STIM2: variants seen among roughly 807,000 people sequenced by gnomAD.
STIM2 encodes stromal interaction molecule 2.
A neutral mutation model predicts 85.8 loss-of-function variants in STIM2; 31 were observed. That is an observed-to-expected ratio of 0.36 (90% confidence interval 0.27 to 0.49). STIM2 has a LOEUF of 0.49. Among genes scored for constraint, STIM2 ranks in the 20% least tolerant of loss-of-function variants. The pLI is 0.98. For synonymous variants in STIM2, 356 were observed against 331.1 expected, an observed-to-expected ratio of 1.08 and a Z score of -0.82; for missense variants, 841 against 927.6, an observed-to-expected ratio of 0.91 and a Z score of 1.21.
At chr4:26,861,615 C>A (rs192370809) in intron 1 of STIM2, 3 of 411,042 alleles carry the variant, frequency 7.3e-6, no homozygotes, top group Non-Finnish European at 1.2e-5. Flanking sequence ...TCGGGCTCTC[C>A]GATCTTCCAA....
At chr4:26,961,116 A>G (rs1396400140) in intron 3 of STIM2, among the ~76,000 whole-genome samples, 2 of 152,244 alleles carry the variant, frequency 1.3e-5, no homozygotes, top group African/African-American at 4.8e-5. Flanking sequence ...AATAATGAAG[A>G]TAACTTTATA....
chr4:26,967,396 G>A (rs1379347768), intron 3 of STIM2, among the ~76,000 whole-genome samples: 4 of 152,046 alleles, frequency 2.6e-5, no homozygotes, highest in Non-Finnish European at 5.9e-5. Flanking sequence ...ACTGATGAAT[G>A]AAATCAGTAA....
intron 1 of STIM2, among the ~76,000 whole-genome samples, chr4:26,878,892 A>G (rs1344990452): frequency 1.3e-5 from 2 of 152,128 alleles, no homozygotes; most frequent in African/African-American, 4.8e-5. Flanking sequence ...CTCCCTCACT[A>G]TCATGAGAAC....
intron 2 of STIM2, among the ~76,000 whole-genome samples, chr4:26,930,489 GT>G (rs1327301704): frequency 1.3e-5 from 2 of 149,410 alleles, no homozygotes; most frequent in Admixed American, 1.3e-4. Context: ...TTTTTTATCA[GT>G]TTGTTTGATA....
chr4:26,985,744 A>G (rs1305294844), intron 3 of STIM2, among the ~76,000 whole-genome samples: 1 of 152,176 alleles, frequency 6.6e-6, no homozygotes, highest in Non-Finnish European at 1.5e-5. Context: ...TGATTTCCCT[A>G]AAATGCATTA....
intron 3 of STIM2, among the ~76,000 whole-genome samples, chr4:26,993,372 T>A (rs750454346): frequency 3.7e-4 from 56 of 152,192 alleles, no homozygotes; most frequent in Non-Finnish European, 7.1e-4. Flanking sequence ...AGGCTTTGTT[T>A]CAATATAAAA....
intron 3 of STIM2, among the ~76,000 whole-genome samples, chr4:26,980,615 G>A (rs1727347302): frequency 6.6e-6 from 1 of 152,188 alleles, no homozygotes; most frequent in Non-Finnish European, 1.5e-5. Flanking sequence ...AACAGGTTGA[G>A]GGAAGATTGT....
chr4:27,025,196 T>C lies in STIM2; in HGVS notation c.*2200T>C. The C allele has an allele frequency of 6.6e-6, 1 of 152,210 alleles. No homozygotes were observed. The highest frequency in any genetic ancestry group is 2.1e-4 in the South Asian group (1 of 4,836). 9.4% of individuals were successfully genotyped at this position (152,210 alleles called of 1,614,324 possible). The stretch of plus-strand genomic sequence containing the variant: ...TGATAATTATTTTGCATTAATACAG[T>C]ATACACATTTGTAAATTCAACAGGA... On this transcript the variant is annotated 3_prime_UTR_variant, in exon 12 of 12. Transcript: ENST00000467087.
rs1411316696 is a variant in STIM2, at chr4:27,023,383, T to A, written c.*387T>A. On this transcript the variant is annotated 3_prime_UTR_variant, in exon 12 of 12. Coordinates refer to ENST00000467087, the MANE Select transcript of STIM2 (RefSeq NM_020860.4). ...AAAATTTCTTGTTTACCAGAGCATC[T>A]TCTTATCTTTCCACAGAGCTATTTA... The A allele has an allele frequency of 5.0e-6, 1 of 199,966 alleles. No homozygotes were observed. The highest frequency in any genetic ancestry group is 1.0e-5 in the Non-Finnish European group (1 of 96,128). 12.4% of individuals were successfully genotyped at this position (199,966 alleles called of 1,614,324 possible). A position where few individuals can be genotyped will look rare whatever the true frequency, so the allele number is the denominator to read the frequency against.
chr4:26,962,202 T>C (rs959594472), intron 3 of STIM2, among the ~76,000 whole-genome samples: 13 of 152,204 alleles, frequency 8.5e-5, no homozygotes, highest in African/African-American at 3.1e-4. Context: ...AATTCACTTA[T>C]AAAATGTAAT....
intron 2 of STIM2, among the ~76,000 whole-genome samples, chr4:26,951,705 TAAATCTGA>T (rs1292877269): frequency 1.3e-5 from 2 of 152,166 alleles, no homozygotes; most frequent in Non-Finnish European, 2.9e-5. Context: ...TTTCATTTGT[TAAATCTGA>T]AATGCTTACC....
At chr4:27,001,036 T>C (rs1728132243) in intron 5 of STIM2, among the ~76,000 whole-genome samples, 1 of 152,198 alleles carries the variant, frequency 6.6e-6, no homozygotes, top group African/African-American at 2.4e-5. Flanking sequence ...AGGTGTACAC[T>C]CTGGCAATGT....
At position 27,022,795 on chromosome 4, in the gene STIM2, C is replaced by T. The variant is rs776140944; in HGVS notation, c.2040C>T (p.Ser680=). 1.1e-5 allele frequency: 18 copies of T among 1,614,100 alleles called. No homozygotes were observed. Among genetic ancestry groups the T allele is most frequent in the Non-Finnish European group, 1.7e-6 (2 of 1,180,048 alleles). Residue 680 remains serine (S), a synonymous_variant, in exon 12 of 12, where the codon AGC becomes AGT. Coordinates refer to ENST00000467087, the MANE Select transcript of STIM2 (RefSeq NM_020860.4). ...ATGGCATTTTGGAGAAATCCTGTAG[C>T]ATGAACCAGCTTTCCAGTGGCATCC...
chr4:27,009,734 C>G (rs1457690008), intron 10 of STIM2, among the ~76,000 whole-genome samples: 1 of 152,192 alleles, frequency 6.6e-6, no homozygotes, highest in African/African-American at 2.4e-5. Context: ...AAGGTCATGA[C>G]GGTTGCAAAG....
chr4:26,989,689 G>A (rs1429430200), intron 3 of STIM2, among the ~76,000 whole-genome samples: 1 of 152,130 alleles, frequency 6.6e-6, no homozygotes, highest in Non-Finnish European at 1.5e-5. Context: ...TTGGTTGAAG[G>A]GGACATGATC....
chr4:26,950,662 A>G lies in STIM2; in HGVS notation c.283-6950A>G, dbSNP rs1726014777. Among the ~76,000 whole-genome samples, 2 of 152,208 alleles carry G rather than the reference A, an allele frequency of 1.3e-5. 1 individual carries two copies. Among genetic ancestry groups the G allele is most frequent in the South Asian group, 4.1e-4 (2 of 4,826 alleles). On this transcript the variant is annotated intron_variant, in intron 2 of 11. Transcript: ENST00000467087. ...ACTTCCCAGCCTCCAGAACTGTGAG[A>G]AAAATAAACTTATGTTCTTTATAAA...
intron 2 of STIM2, among the ~76,000 whole-genome samples, chr4:26,949,769 T>G (rs1248709248): frequency 1.3e-5 from 2 of 152,162 alleles, no homozygotes; most frequent in Non-Finnish European, 2.9e-5. Context: ...CCTCCTTGGC[T>G]CCTCCTCTTA....
chr4:26,989,278 T>C (rs1431382757), intron 3 of STIM2, among the ~76,000 whole-genome samples: 1 of 152,188 alleles, frequency 6.6e-6, no homozygotes, highest in African/African-American at 2.4e-5. Flanking sequence ...AATTTTATTA[T>C]TTTGCATGTT....
intron 1 of STIM2, among the ~76,000 whole-genome samples, chr4:26,890,047 A>G (rs190871940): frequency 6.6e-5 from 10 of 152,304 alleles, no homozygotes; most frequent in Admixed American, 1.3e-4. Context: ...CTTCCAAGCA[A>G]AATGAGAGCC....
Sources: gnomAD v4.1 joint callset for allele counts (sites outside exome capture counted in the v4.1 genomes callset) on GRCh38, gnomAD v4.1.1 for gene constraint, MANE v1.5 for transcripts, NCBI Gene and HGNC (gene_info 2026-07-23, HGNC 2026-07-21) for gene names.